ASCC3: variants seen among roughly 807,000 people sequenced by gnomAD.
ASCC3 encodes ASC-1 complex subunit P200.
ASCC3 carries 158 observed loss-of-function variants against 256.3 expected under a neutral mutation model. The ratio of observed to expected loss-of-function variants is 0.62; its 90% CI spans 0.54 to 0.70. ASCC3 has a LOEUF of 0.70. Among genes scored for constraint, ASCC3 ranks in the 30% least tolerant of loss-of-function variants. The pLI, the probability that ASCC3 is intolerant of heterozygous loss-of-function variation, is 0.00. For missense variants in ASCC3, 2,259 were observed against 2,626.0 expected (o/e 0.86, Z 3.05); for synonymous variants, 948 against 883.4 (o/e 1.07, Z -1.30).
chr6:100,537,333 T>C (rs1457007440), intron 37 of ASCC3, among the ~76,000 whole-genome samples: 1 of 152,116 alleles, frequency 6.6e-6, no homozygotes, highest in Admixed American at 6.5e-5. Context: ...ATCCAAACTG[T>C]GGGATAACTC....
chr6:100,563,934 C>T (rs763461114), intron 36 of ASCC3, among the ~76,000 whole-genome samples: 3 of 151,558 alleles, frequency 2.0e-5, no homozygotes, highest in Non-Finnish European at 4.4e-5. Context: ...TTTAATCCTC[C>T]CCTTTGTTTT....
At chr6:100,827,057 G>A (rs1405112669) in intron 4 of ASCC3, among the ~76,000 whole-genome samples, 2 of 152,150 alleles carry the variant, frequency 1.3e-5, no homozygotes, top group African/African-American at 2.4e-5. Context: ...CAAAAAGATG[G>A]CATTAGTCTG....
chr6:100,848,779 A>T, intron 3 of ASCC3, 72 bp from the exon 4 acceptor site: 1 of 1,426,006 alleles, frequency 7.0e-7, no homozygotes, highest in Non-Finnish European at 9.7e-7. Context: ...CCAAAAAATT[A>T]CCACAAATAT....
chr6:100,779,424 A>G (rs953089752), intron 8 of ASCC3, among the ~76,000 whole-genome samples: 1 of 152,132 alleles, frequency 6.6e-6, no homozygotes, highest in African/African-American at 2.4e-5. Context: ...GCTTACAACC[A>G]TATTTTAAAA....
intron 3 of ASCC3, among the ~76,000 whole-genome samples, chr6:100,852,002 A>T (rs1772699641): frequency 6.6e-6 from 1 of 152,128 alleles, no homozygotes; most frequent in Admixed American, 6.5e-5. Flanking sequence ...TGTCCGCATG[A>T]GATGACGTAT....
chr6:100,784,830 A>G (rs1343908547), intron 8 of ASCC3, among the ~76,000 whole-genome samples: 1 of 152,056 alleles, frequency 6.6e-6, no homozygotes, highest in Non-Finnish European at 1.5e-5. Flanking sequence ...AAAATAAACA[A>G]AAGGAGAAAG....
At chr6:100,533,442 T>G (rs1377798438) in intron 37 of ASCC3, among the ~76,000 whole-genome samples, 1 of 152,242 alleles carries the variant, frequency 6.6e-6, no homozygotes, top group Non-Finnish European at 1.5e-5. Flanking sequence ...ACAAGTGTTT[T>G]GATGTAAAAT....
chr6:100,814,112 C>T (rs1297492273), intron 4 of ASCC3, among the ~76,000 whole-genome samples: 4 of 152,096 alleles, frequency 2.6e-5, no homozygotes, highest in Non-Finnish European at 5.9e-5. Context: ...GAGGTATGTT[C>T]CTTCAATACC....
At chr6:100,863,600 T>C (rs1240399278) in intron 3 of ASCC3, among the ~76,000 whole-genome samples, 1 of 152,180 alleles carries the variant, frequency 6.6e-6, no homozygotes, top group Non-Finnish European at 1.5e-5. Context: ...CGAAGCTCGC[T>C]GATAGATACG....
At chr6:100,661,348 CACACACACACAA>C (rs1210189632) in intron 16 of ASCC3, among the ~76,000 whole-genome samples, 2 of 151,368 alleles carry the variant, frequency 1.3e-5, no homozygotes, top group East Asian at 3.9e-4. Context: ...CACACACACA[CACACACACACAA>C]AACAAATGAT....
chr6:100,870,006 A>G (rs1773658240), intron 1 of ASCC3, among the ~76,000 whole-genome samples: 1 of 152,176 alleles, frequency 6.6e-6, no homozygotes, highest in South Asian at 2.1e-4. Context: ...TCAAAATAAA[A>G]CAAACAGACC....
At chr6:100,718,038 A>G (rs770406212) in intron 12 of ASCC3, 37 bp downstream of exon 12, 1 of 1,593,642 alleles carries the variant, frequency 6.3e-7, no homozygotes, top group African/African-American at 1.4e-5. Context: ...TAAGTCAACA[A>G]AAATATTTTT....
chr6:100,672,340 A>G (rs559477808), intron 14 of ASCC3, among the ~76,000 whole-genome samples: 5 of 152,034 alleles, frequency 3.3e-5, no homozygotes, highest in African/African-American at 1.2e-4. Flanking sequence ...TCTACATATA[A>G]TATCTGGTCT....
At chr6:100,545,997 C>T (rs1775703123) in intron 36 of ASCC3, among the ~76,000 whole-genome samples, 1 of 151,958 alleles carries the variant, frequency 6.6e-6, no homozygotes, top group African/African-American at 2.4e-5. Context: ...TCTTTATTTG[C>T]AGTTGACATG....
In ASCC3 at chr6:100,651,587, G is replaced by A. The variant is rs1417636856; in HGVS notation, c.3048C>T (p.Ser1016=). 6.3e-7 allele frequency: 1 copy of A among 1,583,442 alleles called. No individual in the cohort carries two copies. The highest frequency in any genetic ancestry group is 8.6e-7 in the Non-Finnish European group (1 of 1,162,224). The change falls in exon 19 of 42, where the codon TCC becomes TCT. Residue 1016 remains serine (S), a synonymous_variant. Transcript: ENST00000369162. ...TAATTTGATCAAATTCTTCAGCTTT[G>A]GAGACTATGGCAAAGATATCACCTT... The part of the protein sequence containing the change: ...KTEGDIFAIV[S]KAEEFDQIKV...
intron 14 of ASCC3, among the ~76,000 whole-genome samples, chr6:100,666,536 T>C (rs2114940111): frequency 6.6e-6 from 1 of 152,278 alleles, no homozygotes; most frequent in South Asian, 2.1e-4. Flanking sequence ...AGGTGTGTGG[T>C]AGTATCTTAC....
intron 4 of ASCC3, among the ~76,000 whole-genome samples, chr6:100,828,092 T>TAAA (rs10684305): frequency 0.35 from 43,137 of 124,858 alleles, 8,878 homozygotes; most frequent in Middle Eastern, 0.47. Flanking sequence ...CAGTATTTTC[T>TAAA]AAAAAAAAAA....
At chr6:100,732,180 A>AAAAG (rs1779935687) in intron 10 of ASCC3, among the ~76,000 whole-genome samples, 3 of 151,372 alleles carry the variant, frequency 2.0e-5, no homozygotes, top group Admixed American at 6.6e-5. Flanking sequence ...AAAAAAAAAA[A>AAAAG]AAGAAGAAGA....
intron 34 of ASCC3, among the ~76,000 whole-genome samples, chr6:100,594,683 T>C (rs1194939515): frequency 6.6e-6 from 1 of 152,064 alleles, no homozygotes; most frequent in Non-Finnish European, 1.5e-5. Flanking sequence ...CAGTTCTGGG[T>C]ATATACCCAA....
Sources: gnomAD v4.1 joint callset for allele counts (sites outside exome capture counted in the v4.1 genomes callset) on GRCh38, gnomAD v4.1.1 for gene constraint, MANE v1.5 for transcripts, NCBI Gene and HGNC (gene_info 2026-07-23, HGNC 2026-07-21) for gene names.